The following CTNNA2 variants were observed in gnomAD, a reference collection of about 807,000 sequenced individuals.
CTNNA2 encodes catenin alpha 2.
Under a neutral mutation model 101.0 loss-of-function variants are expected in CTNNA2, and 42 were observed. The observed-to-expected ratio is 0.42, with a 90% confidence interval of 0.32 to 0.54. CTNNA2 has a LOEUF of 0.54. CTNNA2 is among the 20% of genes least tolerant of loss of function. The pLI is 0.14. For synonymous variants in CTNNA2, 450 were observed against 456.4 expected (o/e 0.99, Z 0.18); for missense variants, 871 against 1,223.1 (o/e 0.71, Z 4.29).
At chr2:79,845,285 G>A (rs79680691) in intron 3 of CTNNA2, among the ~76,000 whole-genome samples, 1 of 150,850 alleles carries the variant, frequency 6.6e-6, no homozygotes, top group East Asian at 2.0e-4. Flanking sequence ...CAAGCTGGAA[G>A]TAAGTAGGGC....
intron 4 of CTNNA2, among the ~76,000 whole-genome samples, chr2:79,467,549 A>T (rs1282846656): frequency 6.6e-6 from 1 of 152,182 alleles, no homozygotes; most frequent in Non-Finnish European, 1.5e-5. Context: ...ACTCCTTGAG[A>T]AGAGCAACTC....
At chr2:79,670,111 TC>T (rs1682726893) in intron 2 of CTNNA2, among the ~76,000 whole-genome samples, 1 of 152,140 alleles carries the variant, frequency 6.6e-6, no homozygotes, top group Non-Finnish European at 1.5e-5. Context: ...GATGCCCCAG[TC>T]CTGTGCCTGG....
intron 7 of CTNNA2, chr2:80,313,388 G>A: frequency 2.9e-6 from 4 of 1,363,962 alleles, no homozygotes; most frequent in Non-Finnish European, 2.8e-6. Context: ...GAGAAGCAGA[G>A]TTAGATAAAA....
At chr2:80,344,287 C>T (rs771182203) in intron 7 of CTNNA2, among the ~76,000 whole-genome samples, 1 of 152,028 alleles carries the variant, frequency 6.6e-6, no homozygotes, top group South Asian at 2.1e-4. Flanking sequence ...GGCTTCCTAC[C>T]TCAGTCTTTG....
chr2:80,406,257 C>A (rs1263025164), intron 8 of CTNNA2, among the ~76,000 whole-genome samples: 2 of 151,928 alleles, frequency 1.3e-5, no homozygotes, highest in Non-Finnish European at 2.9e-5. Context: ...TGACTTGAAC[C>A]CGGGAGGCGG....
chr2:80,142,232 G>T (rs1243831455), intron 7 of CTNNA2, among the ~76,000 whole-genome samples: 1 of 152,180 alleles, frequency 6.6e-6, no homozygotes, highest in Non-Finnish European at 1.5e-5. Flanking sequence ...TGCCTGTAAT[G>T]TCTGCCTCCC....
intron 4 of CTNNA2, among the ~76,000 whole-genome samples, chr2:79,475,349 G>A (rs1671039599): frequency 6.6e-6 from 1 of 151,976 alleles, no homozygotes; most frequent in Admixed American, 6.6e-5. Flanking sequence ...TTTGTTCTGG[G>A]TACAAGTCCA....
chr2:80,406,696 G>A (rs906772453), intron 8 of CTNNA2, among the ~76,000 whole-genome samples: 6 of 151,486 alleles, frequency 4.0e-5, no homozygotes, highest in African/African-American at 7.3e-5. Context: ...GTGTGGTGGC[G>A]GGCGCCTGTA....
chr2:80,059,176 C>T (rs1203690549), intron 7 of CTNNA2, among the ~76,000 whole-genome samples: 1 of 152,160 alleles, frequency 6.6e-6, no homozygotes, highest in Non-Finnish European at 1.5e-5. Context: ...CCCGAGGGCT[C>T]ATGGTTTTTG....
chr2:79,715,344 A>C lies in CTNNA2; in HGVS notation c.103-29043A>C, dbSNP rs73938789. Among the ~76,000 whole-genome samples, 31 of 152,272 alleles carry C rather than the reference A, an allele frequency of 2.0e-4. 1 individual carries two copies. The highest frequency in any genetic ancestry group is 5.9e-4 in the Admixed American group (9 of 15,282). Reference sequence around the variant, plus strand: ...GGACTGTCATGGAAAAGCACTGTAGAATTGTTCTGCCTTTCTTTATATGGT... The same window carrying C: ...GGACTGTCATGGAAAAGCACTGTAGCATTGTTCTGCCTTTCTTTATATGGT... On this transcript the variant is annotated intron_variant, in intron 2 of 18. Transcript: ENST00000402739.
At chr2:80,337,020 A>G (rs1671810945) in intron 7 of CTNNA2, among the ~76,000 whole-genome samples, 1 of 152,152 alleles carries the variant, frequency 6.6e-6, no homozygotes, top group Admixed American at 6.5e-5. Flanking sequence ...CAAAAAGGCA[A>G]ATTACCTGGA....
intron 7 of CTNNA2, among the ~76,000 whole-genome samples, chr2:80,102,254 T>G (rs532879521): frequency 6.6e-6 from 1 of 152,192 alleles, no homozygotes; most frequent in East Asian, 1.9e-4. Flanking sequence ...TGATTCACCC[T>G]CTGAGTGTGT....
At chr2:80,439,501 C>T (rs1217037839) in intron 9 of CTNNA2, among the ~76,000 whole-genome samples, 1 of 152,072 alleles carries the variant, frequency 6.6e-6, no homozygotes, top group Non-Finnish European at 1.5e-5. Context: ...TGGGTTCAAG[C>T]AATTCTCCTG....
At chr2:80,613,631 A>C (rs1300983935) in intron 17 of CTNNA2, among the ~76,000 whole-genome samples, 1 of 151,336 alleles carries the variant, frequency 6.6e-6, no homozygotes, top group Non-Finnish European at 1.5e-5. Context: ...ATGGCCATTA[A>C]AAAAAATCAG....
Position 79,398,476 on chromosome 2 carries a change from C to T in CTNNA2, c.-135+24463C>T, listed in dbSNP as rs1045091739. Among the ~76,000 whole-genome samples the T allele has an allele frequency of 2.6e-5, 4 of 152,018 alleles. No individual in the cohort carries two copies. In the South Asian group the frequency reaches 8.3e-4, roughly 32 times the overall value. On this transcript the variant is annotated intron_variant, in intron 4 of 21. Transcript: ENST00000466387. Reference sequence around the variant, plus strand: ...TTATTCAGTAGGTCTGGGTTGGGTCCCAAGAGTTTCCATTTAAACAAATTT... The same window carrying T: ...TTATTCAGTAGGTCTGGGTTGGGTCTCAAGAGTTTCCATTTAAACAAATTT...
At chr2:79,796,417 C>T (rs1003679672) in intron 3 of CTNNA2, among the ~76,000 whole-genome samples, 2 of 140,616 alleles carry the variant, frequency 1.4e-5, no homozygotes, top group African/African-American at 5.7e-5. Context: ...AAAAAAGTGG[C>T]CTAAACTATG....
intron 7 of CTNNA2, among the ~76,000 whole-genome samples, chr2:80,193,772 C>G (rs1227363279): frequency 1.3e-5 from 2 of 152,132 alleles, no homozygotes; most frequent in Non-Finnish European, 2.9e-5. Context: ...CCTCCTCCAC[C>G]TCTCACCCCT....
intron 3 of CTNNA2, among the ~76,000 whole-genome samples, chr2:79,782,022 A>C (rs556550754): frequency 1.3e-4 from 20 of 152,324 alleles, no homozygotes; most frequent in African/African-American, 4.8e-4. Context: ...TAAATGGAAA[A>C]GGCTGAGATT....
chr2:79,539,182 A>G (rs553577365), intron 1 of CTNNA2, among the ~76,000 whole-genome samples: 10 of 152,332 alleles, frequency 6.6e-5, no homozygotes, highest in African/African-American at 2.4e-4. Flanking sequence ...GCTGTTATTA[A>G]AAAACAGAAC....
Sources: gnomAD v4.1 joint callset for allele counts (sites outside exome capture counted in the v4.1 genomes callset) on GRCh38, gnomAD v4.1.1 for gene constraint, MANE v1.5 for transcripts, NCBI Gene and HGNC (gene_info 2026-07-23, HGNC 2026-07-21) for gene names.